Variants in SV2C observed in about 807,000 individuals in gnomAD.
SV2C encodes synaptic vesicle glycoprotein 2C, also known as solute carrier family 22 member B3.
A neutral mutation model predicts 79.7 loss-of-function variants in SV2C; 49 were observed. The observed-to-expected ratio is 0.61, with a 90% CI of 0.49 to 0.78. SV2C has a LOEUF of 0.78. Ranked by LOEUF, SV2C falls within the 30% of genes least tolerant of loss-of-function variation. The pLI is 0.00. For synonymous variants in SV2C, 334 were observed against 333.2 expected (o/e 1.00, Z -0.03); for missense variants, 833 against 912.9 (o/e 0.91, Z 1.13).
In SV2C at chr5:76,295,910, G is replaced by A; in HGVS notation, c.1470G>A (p.Gln490=). 1 of 1,611,190 alleles carries A rather than the reference G, an allele frequency of 6.2e-7. No homozygotes were observed. Among genetic ancestry groups the A allele is most frequent in the Non-Finnish European group, 8.5e-7 (1 of 1,178,908 alleles). The change falls in exon 9 of 13, where the codon CAG becomes CAA. Residue 490 remains glutamine, a synonymous_variant. Coordinates refer to ENST00000502798, the MANE Select transcript of SV2C (RefSeq NM_014979.4). ...NFTINFTMEN[Q]IHTGMEYDNG... is the part of the protein sequence containing the mutation. ...CTATTAACTTTACAATGGAAAATCA[G>A]ATTCATACTGGAATGGAATACGACA...
intron 4 of SV2C, among the ~76,000 whole-genome samples, chr5:76,247,631 C>T (rs892589643): frequency 2.6e-5 from 4 of 152,148 alleles, no homozygotes; most frequent in African/African-American, 9.7e-5. Flanking sequence ...TATCAAATGC[C>T]AAGGGGAGGG....
At chr5:76,315,881 C>T (rs997364171) in intron 12 of SV2C, among the ~76,000 whole-genome samples, 26 of 152,168 alleles carry the variant, frequency 1.7e-4, no homozygotes, top group African/African-American at 6.3e-4. Flanking sequence ...GCCTCAGTAT[C>T]CCCTGCATCA....
the SV2C span, among the ~76,000 whole-genome samples, chr5:75,857,518 A>G: frequency 1.3e-5 from 2 of 152,050 alleles, no homozygotes; most frequent in East Asian, 3.9e-4. Context: ...ATAGCTCTGT[A>G]TTATTATTTG....
At chr5:76,017,205 A>G in the SV2C span, among the ~76,000 whole-genome samples, 358 of 152,268 alleles carry the variant, frequency 2.4e-3, 1 homozygote, top group African/African-American at 8.4e-3. Context: ...GTACTCTGAG[A>G]CCTAATGAGA....
chr5:76,317,502 A>G (rs1313339270), intron 12 of SV2C, among the ~76,000 whole-genome samples: 2 of 129,580 alleles, frequency 1.5e-5, no homozygotes, highest in East Asian at 4.6e-4. Flanking sequence ...CTATGAGCTA[A>G]GTCTGGATCT....
chr5:76,150,077 G>A (rs2112227069), intron 2 of SV2C, among the ~76,000 whole-genome samples: 1 of 152,286 alleles, frequency 6.6e-6, no homozygotes, highest in East Asian at 1.9e-4. Context: ...CTGCTCACAA[G>A]GACAAAAGAA....
At chr5:75,949,480 G>A in the SV2C span, among the ~76,000 whole-genome samples, 82 of 152,094 alleles carry the variant, frequency 5.4e-4, no homozygotes, top group Non-Finnish European at 1.1e-3. Flanking sequence ...TGGTTTTGCT[G>A]TGTCCCCACC....
chr5:75,946,468 T>C, the SV2C span, among the ~76,000 whole-genome samples: 6 of 152,248 alleles, frequency 3.9e-5, no homozygotes, highest in South Asian at 1.2e-3. Flanking sequence ...GTTTTTATTA[T>C]TGTAGCTTTC....
At chr5:76,171,923 C>G (rs1743288985) in intron 2 of SV2C, among the ~76,000 whole-genome samples, 1 of 121,722 alleles carries the variant, frequency 8.2e-6, no homozygotes, top group African/African-American at 3.0e-5. Context: ...GCCGCCCCGT[C>G]CGGGAGGGAG....
the SV2C span, among the ~76,000 whole-genome samples, chr5:76,063,192 G>A: frequency 6.6e-6 from 1 of 152,108 alleles, no homozygotes; most frequent in African/African-American, 2.4e-5. Flanking sequence ...CTGATGAATT[G>A]TTCACTCCTA....
the SV2C span, among the ~76,000 whole-genome samples, chr5:75,876,146 A>G: frequency 6.6e-6 from 1 of 152,214 alleles, no homozygotes; most frequent in African/African-American, 2.4e-5. Flanking sequence ...GCTACTCACA[A>G]TAGCAAAGAC....
At chr5:75,899,984 G>A in the SV2C span, among the ~76,000 whole-genome samples, 40 of 152,262 alleles carry the variant, frequency 2.6e-4, no homozygotes, top group African/African-American at 9.4e-4. Flanking sequence ...CGGGTTTCCT[G>A]AATACAGCAC....
upstream of SV2C, chr5:76,079,527 A>T: frequency 3.4e-6 from 1 of 294,406 alleles, no homozygotes; most frequent in South Asian, 4.3e-5. Flanking sequence ...ACATCTCTGG[A>T]ACAAGATTCC....
intron 1 of SV2C, among the ~76,000 whole-genome samples, chr5:76,086,072 A>C (rs1239024382): frequency 6.6e-6 from 1 of 152,132 alleles, no homozygotes; most frequent in Admixed American, 6.5e-5. Flanking sequence ...AATCAGCTTT[A>C]TTTTTCATGA....
intron 2 of SV2C, among the ~76,000 whole-genome samples, chr5:76,178,097 A>G (rs1181327523): frequency 6.6e-6 from 1 of 152,202 alleles, no homozygotes; most frequent in East Asian, 1.9e-4. Context: ...TCAGCATATC[A>G]GTCTCAGGGT....
At chr5:76,056,409 G>T in the SV2C span, among the ~76,000 whole-genome samples, 1 of 152,198 alleles carries the variant, frequency 6.6e-6, no homozygotes, top group East Asian at 1.9e-4. Context: ...TTTTATTGAG[G>T]ATATTTGCAT....
chr5:75,872,219 G>A, the SV2C span, among the ~76,000 whole-genome samples: 1 of 150,836 alleles, frequency 6.6e-6, no homozygotes, highest in Non-Finnish European at 1.5e-5. Flanking sequence ...GGGCCAATAT[G>A]AGAAAAATTG....
intron 2 of SV2C, among the ~76,000 whole-genome samples, chr5:76,181,009 AC>A (rs1329281872): frequency 4.6e-5 from 7 of 152,040 alleles, no homozygotes; most frequent in African/African-American, 1.7e-4. Context: ...AAGGCTCTCA[AC>A]TGCCCTGCTA....
the SV2C span, among the ~76,000 whole-genome samples, chr5:75,881,454 T>G: frequency 6.6e-6 from 1 of 152,246 alleles, no homozygotes; most frequent in Non-Finnish European, 1.5e-5. Context: ...TTTATGAAGG[T>G]TTTTTAACAA....
Sources: allele counts gnomAD v4.1 joint callset (sites outside exome capture counted in the v4.1 genomes callset), GRCh38; gene constraint gnomAD v4.1.1; transcripts MANE v1.5; gene names NCBI Gene and HGNC (gene_info 2026-07-23, HGNC 2026-07-21).